The following RNF217 variants were observed in gnomAD, a reference collection of about 807,000 sequenced individuals.
RNF217 encodes ring finger protein 217, also known as E3 ubiquitin-protein ligase RNF217.
In RNF217, 31 loss-of-function variants were observed where a neutral mutation model predicts 57.8. That is an observed-to-expected ratio of 0.54 (90% CI 0.40 to 0.72). The LOEUF is 0.72. Among genes scored for constraint, RNF217 ranks in the 30% least tolerant of loss-of-function variants. The probability of loss-of-function intolerance (pLI) is 0.00; values close to 1 mark genes in which losing one functional copy is unlikely to be tolerated. For synonymous variants in RNF217, 313 were observed against 294.0 expected (o/e 1.06, Z -0.66); for missense variants, 696 against 708.3 (o/e 0.98, Z 0.20).
chr6:125,090,808 A>T lies in RNF217; in HGVS notation c.*7871A>T, dbSNP rs1374761826. 1 of 151,904 alleles carries T rather than the reference A, an allele frequency of 6.6e-6. No homozygotes were observed. Among genetic ancestry groups the T allele is most frequent in the Non-Finnish European group, 1.5e-5 (1 of 67,868 alleles). The allele number at this position is 151,904 out of a possible 1,614,324, so 9.4% of individuals were successfully genotyped here. A position where few individuals can be genotyped will look rare whatever the true frequency, so the allele number is the denominator to read the frequency against. On this transcript the variant is annotated 3_prime_UTR_variant, in exon 6 of 6. Coordinates refer to ENST00000521654, the MANE Select transcript of RNF217 (RefSeq NM_001286398.3). ...GAGATTTCATTGATTCTTTTTAATG[A>T]TATTGGAAAATATTTATGCAATTTT...
chr6:125,069,566 C>G (rs1263966415), intron 3 of RNF217, among the ~76,000 whole-genome samples: 1 of 152,084 alleles, frequency 6.6e-6, no homozygotes, highest in Non-Finnish European at 1.5e-5. Flanking sequence ...TGATGGGCAC[C>G]TAGGTTGATT....
chr6:125,045,151 A>T, intron 1 of RNF217, 60 bp from the exon 2 acceptor site: 2 of 1,137,260 alleles, frequency 1.8e-6, no homozygotes, highest in South Asian at 2.9e-5. Flanking sequence ...TACAAAAAAA[A>T]AAATGAAAGA....
At position 124,983,062 on chromosome 6, in the gene RNF217, A is replaced by G. The variant is rs189330925; in HGVS notation, c.882+19636A>G. On this transcript the variant is annotated intron_variant, in intron 1 of 5. Coordinates refer to ENST00000521654, the MANE Select transcript of RNF217 (RefSeq NM_001286398.3). Reference sequence around the variant, plus strand: ...TTTGTTTTAAGGAAAAGCTTTCTATATATTTCTTCTTCAACGCTCCCCCCT... The same window carrying G: ...TTTGTTTTAAGGAAAAGCTTTCTATGTATTTCTTCTTCAACGCTCCCCCCT... 3.3e-3 allele frequency among the ~76,000 whole-genome samples: 498 copies of G among 152,348 alleles called. 6 individuals carry two copies. Among genetic ancestry groups the G allele is most frequent in the African/African-American group, 0.011 (475 of 41,578 alleles).
intron 1 of RNF217, among the ~76,000 whole-genome samples, chr6:124,974,362 A>G (rs1783877846): frequency 6.6e-6 from 1 of 152,176 alleles, no homozygotes; most frequent in Admixed American, 6.5e-5. Flanking sequence ...AATTCATATC[A>G]TTCTATTGGT....
chr6:125,058,878 T>C (rs1787623189), intron 3 of RNF217, among the ~76,000 whole-genome samples: 2 of 152,206 alleles, frequency 1.3e-5, no homozygotes, highest in African/African-American at 4.8e-5. Flanking sequence ...CTTTGCCTTA[T>C]GTGGTTCCTA....
chr6:125,081,589 TC>T lies in RNF217; in HGVS notation c.1555+83del, dbSNP rs1180199386. 28 of 1,116,088 alleles carry T rather than the reference TC, an allele frequency of 2.5e-5. 1 individual carries two copies. The highest frequency in any genetic ancestry group is 3.6e-5 in the Non-Finnish European group (27 of 756,416). 69.1% of individuals were successfully genotyped at this position (1,116,088 alleles called of 1,614,324 possible). On this transcript the variant is annotated intron_variant, in intron 5 of 5. Transcript: ENST00000521654. ...ACGAGTGTAAATGTAATAATATGAA[TC>T]AGTTATTAAGTGGACATAATTTATG...
At chr6:124,980,211 G>A (rs570790327) in intron 1 of RNF217, among the ~76,000 whole-genome samples, 1 of 152,192 alleles carries the variant, frequency 6.6e-6, no homozygotes, top group Non-Finnish European at 1.5e-5. Context: ...TTGCGAAGAT[G>A]TCCATAATTA....
At chr6:125,081,346 T>A in intron 4 of RNF217, 90 bp from the exon 5 acceptor site, 1 of 902,490 alleles carries the variant, frequency 1.1e-6, no homozygotes, top group Non-Finnish European at 1.7e-6. Flanking sequence ...TAAAAAATAA[T>A]ATACACTGTG....
At chr6:125,026,666 CAGTT>C (rs1324688683) in intron 1 of RNF217, among the ~76,000 whole-genome samples, 1 of 151,996 alleles carries the variant, frequency 6.6e-6, no homozygotes, top group African/African-American at 2.4e-5. Flanking sequence ...AAGGGAATCA[CAGTT>C]AGGTGCTATA....
At chr6:125,067,881 G>A (rs1469391476) in intron 3 of RNF217, among the ~76,000 whole-genome samples, 1 of 152,108 alleles carries the variant, frequency 6.6e-6, no homozygotes, top group South Asian at 2.1e-4. Context: ...TAAGGGCTTG[G>A]TGAAGGAACA....
chr6:125,089,981 G>A lies in RNF217; in HGVS notation c.*7044G>A, dbSNP rs1187052709. ...ATGTTTCTTTATAATGAAAAGTCTA[G>A]ATAAAGTATCATAATTTCATTATCA... On this transcript the variant is annotated 3_prime_UTR_variant, in exon 6 of 6. Transcript: ENST00000521654. The A allele has an allele frequency of 6.6e-6, 1 of 151,926 alleles. No individual in the cohort carries two copies. Among genetic ancestry groups the A allele is most frequent in the Non-Finnish European group, 1.5e-5 (1 of 68,000 alleles). 9.4% of individuals were successfully genotyped at this position (151,926 alleles called of 1,614,324 possible).
chr6:124,976,429 C>G (rs1460775699), intron 1 of RNF217, among the ~76,000 whole-genome samples: 1 of 152,068 alleles, frequency 6.6e-6, no homozygotes, highest in Admixed American at 6.5e-5. Flanking sequence ...CCACCATGCC[C>G]AGCTAATTTT....
intron 1 of RNF217, among the ~76,000 whole-genome samples, chr6:124,997,464 GT>G (rs1182045173): frequency 7.9e-5 from 12 of 152,124 alleles, no homozygotes; most frequent in Non-Finnish European, 8.8e-5. Context: ...CACAACTCGA[GT>G]TAATATATTC....
At chr6:125,048,073 T>A (rs561100581) in intron 2 of RNF217, 1 of 575,062 alleles carries the variant, frequency 1.7e-6, no homozygotes, top group East Asian at 7.0e-5. Context: ...TTATATAACA[T>A]TTTTCATCAT....
intron 1 of RNF217, among the ~76,000 whole-genome samples, chr6:125,007,534 A>C (rs1391416511): frequency 2.0e-5 from 3 of 152,204 alleles, no homozygotes; most frequent in African/African-American, 4.8e-5. Flanking sequence ...GGCATGAGCC[A>C]CTGCTCCTGG....
At chr6:125,027,949 T>A (rs1786179239) in intron 1 of RNF217, among the ~76,000 whole-genome samples, 1 of 152,124 alleles carries the variant, frequency 6.6e-6, no homozygotes, top group African/African-American at 2.4e-5. Flanking sequence ...TTTATTCAAA[T>A]CATTGCCCAT....
intron 1 of RNF217, among the ~76,000 whole-genome samples, chr6:124,978,184 G>T (rs1457643281): frequency 6.6e-6 from 1 of 151,762 alleles, no homozygotes; most frequent in Non-Finnish European, 1.5e-5. Context: ...CAAATATGGG[G>T]CCATGTATAT....
At chr6:125,013,839 A>G (rs997964886) in intron 1 of RNF217, among the ~76,000 whole-genome samples, 1 of 152,184 alleles carries the variant, frequency 6.6e-6, no homozygotes, top group African/African-American at 2.4e-5. Flanking sequence ...CTACTGAGTG[A>G]TGTTTCTAAG....
rs1304982102 is a variant in RNF217 at position 125,082,765 on chromosome 6, T to C, written c.1556-99T>C. ...CATAGCATAGATGTCTTCTTCTTTG[T>C]ATGTTCGTACACTGCAAATAAATAA... On this transcript the variant is annotated intron_variant, in intron 5 of 5. Transcript: ENST00000521654. 2.7e-6 allele frequency: 3 copies of C among 1,130,700 alleles called. No homozygotes were observed. The Admixed American group carries it at 7.1e-5, about 27-fold the overall frequency. The allele number at this position is 1,130,700 out of a possible 1,614,324, so 70.0% of individuals were successfully genotyped here. A position where few individuals can be genotyped will look rare whatever the true frequency, so the allele number is the denominator to read the frequency against.
Sources: gnomAD v4.1 joint callset for allele counts (sites outside exome capture counted in the v4.1 genomes callset) on GRCh38, gnomAD v4.1.1 for gene constraint, MANE v1.5 for transcripts, NCBI Gene and HGNC (gene_info 2026-07-23, HGNC 2026-07-21) for gene names.